Variants in RCOR1 observed in about 807,000 individuals in gnomAD.
RCOR1 encodes the protein REST corepressor 1.
RCOR1 carries 12 observed loss-of-function variants against 64.0 expected under a neutral mutation model. The ratio of observed to expected loss-of-function variants is 0.19; its 90% confidence interval spans 0.12 to 0.30. The LOEUF (loss-of-function observed/expected upper bound fraction) is 0.30. Among genes scored for constraint, RCOR1 ranks in the 10% least tolerant of loss-of-function variants. The pLI, the probability that RCOR1 is intolerant of heterozygous loss-of-function variation, is 1.00. For missense variants in RCOR1, 502 were observed against 621.2 expected (o/e 0.81, Z 2.04); for synonymous variants, 279 against 227.2 (o/e 1.23, Z -2.05).
chr14:102,669,861 G>C (rs1894996580), intron 2 of RCOR1, among the ~76,000 whole-genome samples: 1 of 151,964 alleles, frequency 6.6e-6, no homozygotes, highest in African/African-American at 2.4e-5. Context: ...AACGTTTTTT[G>C]GTCCCTAACA....
intron 2 of RCOR1, among the ~76,000 whole-genome samples, chr14:102,677,221 C>T (rs1401636533): frequency 1.4e-5 from 2 of 139,362 alleles, no homozygotes; most frequent in Admixed American, 6.8e-5. Context: ...GACCCCCCCT[C>T]CCCCCTCCCG....
intron 2 of RCOR1, among the ~76,000 whole-genome samples, chr14:102,668,106 C>T (rs1488291541): frequency 6.6e-6 from 1 of 152,156 alleles, no homozygotes; most frequent in South Asian, 2.1e-4. Flanking sequence ...GTAGAGAAAA[C>T]GTGGGGAAAG....
Position 102,719,189 on chromosome 14 carries a change from C to A in RCOR1, c.1054-1818C>A, listed in dbSNP as rs373253772. Among the ~76,000 whole-genome samples, 5 of 152,010 alleles carry A rather than the reference C, an allele frequency of 3.3e-5. 1 individual carries two copies. The highest frequency in any genetic ancestry group is 3.9e-4 in the East Asian group (2 of 5,184). On this transcript the variant is annotated intron_variant, in intron 8 of 11. Coordinates refer to ENST00000262241, the MANE Select transcript of RCOR1 (RefSeq NM_015156.4). ...CCCCTGCCTCCCAGACTCAAGCTAT[C>A]CTCCCACCTCAGCCTCGCAAGTAGT... is the stretch of plus-strand genomic sequence containing the variant.
intron 3 of RCOR1, among the ~76,000 whole-genome samples, chr14:102,688,228 A>T (rs1193116503): frequency 6.6e-6 from 1 of 152,168 alleles, no homozygotes; most frequent in African/African-American, 2.4e-5. Context: ...GGTCTCCCAA[A>T]GTGTTGGAAT....
chr14:102,672,257 G>T (rs1386616111), intron 2 of RCOR1, among the ~76,000 whole-genome samples: 4 of 152,082 alleles, frequency 2.6e-5, no homozygotes, highest in African/African-American at 9.7e-5. Context: ...CTGTTGCCCA[G>T]TCTGGAGTGC....
intron 6 of RCOR1, 143 bp from the exon 7 acceptor site, chr14:102,710,791 GA>G: frequency 1.6e-6 from 1 of 645,014 alleles, no homozygotes; most frequent in Non-Finnish European, 2.7e-6. Flanking sequence ...TCAGCAGCCT[GA>G]AAACATACTA....
At chr14:102,657,041 C>T (rs1894742017) in intron 2 of RCOR1, 1 of 964,586 alleles carries the variant, frequency 1.0e-6, no homozygotes, top group Non-Finnish European at 1.2e-6. Context: ...TCCCAAAGTG[C>T]TGGGATTATA....
chr14:102,716,391 T>C, intron 8 of RCOR1, among the ~76,000 whole-genome samples: 1 of 152,252 alleles, frequency 6.6e-6, no homozygotes, highest in Non-Finnish European at 1.5e-5. Flanking sequence ...TAAGGTAGTT[T>C]AGTTTCTTAG....
At chr14:102,648,195 C>T (rs972242471) in intron 2 of RCOR1, among the ~76,000 whole-genome samples, 8 of 152,158 alleles carry the variant, frequency 5.3e-5, no homozygotes, top group African/African-American at 1.7e-4. Flanking sequence ...TCTCCTGCCT[C>T]AGCCTTTGGA....
At position 102,688,899 on chromosome 14, in the gene RCOR1, C is replaced by T. The variant is rs574590133; in HGVS notation, c.445+6921C>T. Among the ~76,000 whole-genome samples the T allele has an allele frequency of 2.3e-4, 35 of 152,270 alleles. No homozygotes were observed. In the Middle Eastern group the frequency reaches 0.014, roughly 59 times the overall value. On this transcript the variant is annotated intron_variant, in intron 3 of 11. Coordinates refer to ENST00000262241, the MANE Select transcript of RCOR1 (RefSeq NM_015156.4). ...CCTGTTTATACCATTCCAGGCTGCC[C>T]GCCTTTGGGGACTCCATCCTCATTC...
chr14:102,613,542 C>T (rs982234013), intron 2 of RCOR1, among the ~76,000 whole-genome samples: 4 of 146,834 alleles, frequency 2.7e-5, no homozygotes, highest in Non-Finnish European at 3.0e-5. Flanking sequence ...ACGCCATTCT[C>T]CTGCCTCAGC....
At chr14:102,679,668 CG>C (rs901029747) in intron 2 of RCOR1, among the ~76,000 whole-genome samples, 1 of 151,994 alleles carries the variant, frequency 6.6e-6, no homozygotes, top group Non-Finnish European at 1.5e-5. Flanking sequence ...TTAGTATAGA[CG>C]GGGTTTCATC....
At chr14:102,642,959 A>G (rs1268406134) in intron 2 of RCOR1, among the ~76,000 whole-genome samples, 1 of 152,198 alleles carries the variant, frequency 6.6e-6, no homozygotes, top group Admixed American at 6.5e-5. Context: ...ACAGTGTCCT[A>G]AACTTGATAG....
intron 6 of RCOR1, 41 bp downstream of exon 6, chr14:102,708,624 C>A: frequency 8.9e-7 from 1 of 1,122,702 alleles, no homozygotes; most frequent in Non-Finnish European, 1.3e-6. Context: ...ACTTAGGGGA[C>A]TATCTAAGAG....
Position 102,612,665 on chromosome 14 carries a change from C to T in RCOR1, c.361+19340C>T, listed in dbSNP as rs1256836017. On this transcript the variant is annotated intron_variant, in intron 2 of 11. Coordinates refer to ENST00000262241, the MANE Select transcript of RCOR1 (RefSeq NM_015156.4). ...TCATTTCAATATTCCTGATGAAGTA[C>T]TCCATCTGATCTCATTTGCTCTTAG... Among the ~76,000 whole-genome samples the T allele has an allele frequency of 3.3e-5, 5 of 151,898 alleles. No individual in the cohort carries two copies. The East Asian group carries it at 9.7e-4, about 30-fold the overall frequency.
chr14:102,670,174 C>T (rs1895003166), intron 2 of RCOR1, among the ~76,000 whole-genome samples: 1 of 152,156 alleles, frequency 6.6e-6, no homozygotes, highest in South Asian at 2.1e-4. Flanking sequence ...TGGTCTCAAA[C>T]TCTTGACAGC....
At chr14:102,668,481 A>G (rs1287518927) in intron 2 of RCOR1, among the ~76,000 whole-genome samples, 1 of 152,168 alleles carries the variant, frequency 6.6e-6, no homozygotes, top group East Asian at 1.9e-4. Flanking sequence ...ATACAATACA[A>G]AGTAAGCAAT....
At chr14:102,627,960 G>GGTGTGTGTGTGTGT (rs3069199) in intron 2 of RCOR1, among the ~76,000 whole-genome samples, 2,541 of 149,036 alleles carry the variant, frequency 0.017, 70 homozygotes, top group African/African-American at 0.057. Flanking sequence ...ATTTAAAAGG[G>GGTGTGTGTGTGTGT]GTGTGTGTGT....
chr14:102,643,699 A>G (rs1436391998), intron 2 of RCOR1, among the ~76,000 whole-genome samples: 1 of 152,180 alleles, frequency 6.6e-6, no homozygotes, highest in Admixed American at 6.5e-5. Flanking sequence ...CTAGCCTAGC[A>G]CAAGACAAGT....
Sources: allele counts gnomAD v4.1 joint callset (sites outside exome capture counted in the v4.1 genomes callset), GRCh38; gene constraint gnomAD v4.1.1; transcripts MANE v1.5; gene names NCBI Gene and HGNC (gene_info 2026-07-23, HGNC 2026-07-21).